The following RP1 variants were observed in gnomAD, a reference collection of about 807,000 sequenced individuals.
The protein encoded by RP1 is RP1 axonemal microtubule associated, also known as oxygen-regulated protein 1.
RP1 carries 16 observed loss-of-function variants against 14.8 expected under a neutral mutation model. That is an observed-to-expected ratio of 1.08 (90% confidence interval 0.73 to 1.65). RP1 has a LOEUF of 1.65. Ranked by LOEUF, RP1 falls within the 40% of genes most tolerant of loss-of-function variation. RP1 has a pLI of 0.00. For synonymous variants in RP1, 876 were observed against 883.6 expected (o/e 0.99, Z 0.15); for missense variants, 2,631 against 2,535.0 (o/e 1.04, Z -0.81).
chr8:54,606,986 C>T lies in RP1; in HGVS notation c.-12-13969C>T, dbSNP rs943761060. Among the ~76,000 whole-genome samples the T allele has an allele frequency of 1.6e-4, 24 of 152,146 alleles. 1 individual carries two copies. In the South Asian group the frequency reaches 2.9e-3, roughly 18 times the overall value. On this transcript the variant is annotated intron_variant, in intron 1 of 22. Coordinates refer to the RP1 transcript ENST00000636932. ...GTTTTTAACTTCTTTGCCATGGGTT[C>T]GAACCTCCTCCTTTAGCTCAGAGTA... is the stretch of plus-strand genomic sequence containing the variant.
At chr8:54,663,890 G>A (rs1474156610) in intron 7 of RP1, 8 of 1,460,052 alleles carry the variant, frequency 5.5e-6, no homozygotes, top group Non-Finnish European at 7.2e-6. Flanking sequence ...GATTAATCAT[G>A]GTAAAAACAC....
downstream of RP1, among the ~76,000 whole-genome samples, chr8:54,633,733 CTCTCTATA>C (rs1441981548): frequency 9.2e-5 from 12 of 130,132 alleles, no homozygotes; most frequent in African/African-American, 2.8e-4. Context: ...CTCTCTCTCT[CTCTCTATA>C]TATATATATA....
chr8:54,740,970 A>C (rs1033040929), intron 19 of RP1, among the ~76,000 whole-genome samples: 1 of 151,456 alleles, frequency 6.6e-6, no homozygotes, highest in Non-Finnish European at 1.5e-5. Context: ...CCAGAGGCAG[A>C]GGTTGCAGTG....
chr8:54,848,069 C>A (rs1279107714), intron 25 of RP1, among the ~76,000 whole-genome samples: 1 of 152,210 alleles, frequency 6.6e-6, no homozygotes, highest in East Asian at 1.9e-4. Flanking sequence ...TGATCGCTCT[C>A]TCTCCCTCCT....
At chr8:54,634,846 C>G (rs1318545701), downstream of RP1, among the ~76,000 whole-genome samples, 1 of 152,042 alleles carries the variant, frequency 6.6e-6, no homozygotes, top group East Asian at 1.9e-4. Flanking sequence ...CTTTGGGAGG[C>G]CAAGGTGGGC....
intron 24 of RP1, among the ~76,000 whole-genome samples, chr8:54,795,692 A>G (rs532011369): frequency 6.6e-6 from 1 of 152,254 alleles, no homozygotes; most frequent in East Asian, 1.9e-4. Context: ...CTCTGCTGAC[A>G]TCTTCTTTTG....
intron 5 of RP1, among the ~76,000 whole-genome samples, chr8:54,654,555 G>A (rs968528739): frequency 6.6e-6 from 1 of 152,082 alleles, no homozygotes; most frequent in Non-Finnish European, 1.5e-5. Flanking sequence ...ACATTACATT[G>A]TATCAGAATC....
intron 26 of RP1, among the ~76,000 whole-genome samples, chr8:54,856,093 A>G (rs1374008517): frequency 6.6e-6 from 1 of 152,174 alleles, no homozygotes; most frequent in Non-Finnish European, 1.5e-5. Flanking sequence ...AGTAGAGTGG[A>G]TAAATAATTT....
intron 8 of RP1, among the ~76,000 whole-genome samples, chr8:54,674,232 A>G (rs140035366): frequency 2.6e-5 from 4 of 152,280 alleles, no homozygotes; most frequent in Admixed American, 1.3e-4. Context: ...GCATTCCAGC[A>G]TGGTAGTTAG....
chr8:54,786,175 G>C (rs1335988378), intron 24 of RP1, among the ~76,000 whole-genome samples: 2 of 151,982 alleles, frequency 1.3e-5, no homozygotes, highest in African/African-American at 4.8e-5. Flanking sequence ...ATTTCTTGTA[G>C]GGCAGGTCTG....
intron 19 of RP1, among the ~76,000 whole-genome samples, chr8:54,751,510 A>G (rs1284747763): frequency 6.6e-6 from 1 of 152,246 alleles, no homozygotes; most frequent in African/African-American, 2.4e-5. Context: ...GAGGTAAAAT[A>G]AACTTTCTTA....
At chr8:54,819,338 G>A (rs987097444) in intron 24 of RP1, among the ~76,000 whole-genome samples, 1 of 151,904 alleles carries the variant, frequency 6.6e-6, no homozygotes, top group African/African-American at 2.4e-5. Context: ...TTTGTTAAAT[G>A]TCTCTGATAG....
chr8:54,572,278 G>C (rs544958679), intron 1 of RP1, among the ~76,000 whole-genome samples: 1 of 152,342 alleles, frequency 6.6e-6, no homozygotes, highest in Admixed American at 6.5e-5. Flanking sequence ...CCGGCATCAG[G>C]CCCACTTGAC....
intron 6 of RP1, among the ~76,000 whole-genome samples, chr8:54,658,407 C>T (rs1257434518): frequency 2.1e-4 from 32 of 150,834 alleles, no homozygotes; most frequent in African/African-American, 4.9e-5. Flanking sequence ...AAAAAATAGC[C>T]GGGCGTAGTG....
intron 1 of RP1, among the ~76,000 whole-genome samples, chr8:54,617,149 C>T (rs1302173477): frequency 2.0e-5 from 3 of 152,170 alleles, no homozygotes; most frequent in African/African-American, 4.8e-5. Flanking sequence ...AACCAGCTTC[C>T]TTGCTACATA....
At position 54,625,507 on chromosome 8, in the gene RP1, C is replaced by G. The variant is rs779334655; in HGVS notation, c.1625C>G (p.Ser542Ter). The G allele has an allele frequency of 1.2e-5, 20 of 1,613,754 alleles. No homozygotes were observed. The Admixed American group carries it at 2.0e-4, about 16-fold the overall frequency. The change falls in exon 4 of 4, where the codon TCA becomes TGA. Residue 542 changes from serine to a stop codon, truncating the protein, a stop_gained. Transcript: ENST00000220676. LOFTEE classifies it low-confidence loss of function (END_TRUNC). The stretch of plus-strand genomic sequence containing the variant: ...AAAAAGGAAAACAGTCTGCTTAAGT[C>G]AAGTGCAATAAGTGCTGGTGTTATA... ...ERKKENSLLK[S>*]SAISAGVIEI... is the part of the protein sequence containing the mutation.
intron 26 of RP1, among the ~76,000 whole-genome samples, chr8:54,853,875 AAG>A (rs1398658979): frequency 7.0e-4 from 106 of 150,872 alleles, no homozygotes; most frequent in African/African-American, 2.5e-3. Flanking sequence ...AGAAAAGAAA[AAG>A]AAAGAAAAAA....
chr8:54,836,618 T>C (rs1270537427), intron 24 of RP1, among the ~76,000 whole-genome samples: 1 of 152,150 alleles, frequency 6.6e-6, no homozygotes, highest in Non-Finnish European at 1.5e-5. Context: ...AGGATCCTGC[T>C]AACAGCGTGA....
intron 1 of RP1, among the ~76,000 whole-genome samples, chr8:54,573,424 A>G (rs890306698): frequency 1.3e-5 from 2 of 152,216 alleles, no homozygotes; most frequent in African/African-American, 4.8e-5. Flanking sequence ...GACCAAAAAT[A>G]AAAACCTCAG....
Sources: gnomAD v4.1 joint callset for allele counts (sites outside exome capture counted in the v4.1 genomes callset) on GRCh38, gnomAD v4.1.1 for gene constraint, MANE v1.5 for transcripts, NCBI Gene and HGNC (gene_info 2026-07-23, HGNC 2026-07-21) for gene names.